ANO1: variants seen among roughly 807,000 people sequenced by gnomAD.
The protein encoded by ANO1 is anoctamin-1.
ANO1 carries 59 observed loss-of-function variants against 124.0 expected under a neutral mutation model. That is an observed-to-expected ratio of 0.48 (90% CI 0.39 to 0.59). The LOEUF (loss-of-function observed/expected upper bound fraction) is 0.59. Among genes scored for constraint, ANO1 ranks in the 20% least tolerant of loss-of-function variants. The pLI, the probability that ANO1 is intolerant of heterozygous loss-of-function variation, is 0.00. For synonymous variants in ANO1, 529 were observed against 532.0 expected, an observed-to-expected ratio of 0.99 and a Z score of 0.08; for missense variants, 1,059 against 1,328.0, an observed-to-expected ratio of 0.80 and a Z score of 3.15.
In ANO1 at chr11:70,161,509, T is replaced by C. The variant is rs1017753415; in HGVS notation, c.1781-113T>C. On this transcript the variant is annotated intron_variant, in intron 17 of 25. Transcript: ENST00000355303. ...TGGGTATCCTGAGCACAGGCCATGG[T>C]GCGCCTATGAGAGCCGACTGAGTGA... 6 of 1,386,306 alleles carry C rather than the reference T, an allele frequency of 4.3e-6. No individual in the cohort carries two copies. The Admixed American group carries it at 5.4e-5, about 12-fold the overall frequency. The allele number at this position is 1,386,306 out of a possible 1,614,324, so 85.9% of individuals were successfully genotyped here.
intron 1 of ANO1, among the ~76,000 whole-genome samples, chr11:70,069,241 C>T (rs1341141832): frequency 6.6e-6 from 1 of 152,182 alleles, no homozygotes; most frequent in African/African-American, 2.4e-5. Context: ...TTGAAGGAAC[C>T]AGGGAGTGTG....
Position 70,149,761 on chromosome 11 carries a change from G to A in ANO1, c.1310G>A (p.Arg437His), listed in dbSNP as rs1459928181. Residue 437 changes from arginine (R) to histidine (H), a missense_variant, in exon 12 of 26, where the codon CGC becomes CAC. Arg to His is a conservative substitution (Grantham distance 29). This residue lies in a region of ANO1 where 809 missense variants were observed against 1,094.9 expected (regional missense o/e 0.74). Transcript: ENST00000355303. Reference sequence around the variant, plus strand: ...CGGAAACAGATGCGACTCAACTACCGCTGGGACCTCACGGGCTTTGAAGAG... The same window carrying A: ...CGGAAACAGATGCGACTCAACTACCACTGGGACCTCACGGGCTTTGAAGAG... ...WKRKQMRLNYRWDLTGFEEEE... is the reference protein window; with the variant it reads ...WKRKQMRLNYHWDLTGFEEEE... 10 of 1,613,696 alleles carry A rather than the reference G, an allele frequency of 6.2e-6. No individual in the cohort carries two copies. The highest frequency in any genetic ancestry group is 1.1e-5 in the South Asian group (1 of 91,038).
chr11:70,116,069 C>T (rs371012386), intron 7 of ANO1, among the ~76,000 whole-genome samples: 12 of 152,300 alleles, frequency 7.9e-5, no homozygotes, highest in Non-Finnish European at 1.5e-4. Context: ...GAGCAAGACA[C>T]GGACTGTCCC....
At chr11:69,970,278 A>G in the ANO1 span, among the ~76,000 whole-genome samples, 1 of 152,136 alleles carries the variant, frequency 6.6e-6, no homozygotes, top group Non-Finnish European at 1.5e-5. Flanking sequence ...GGCTGCAGAG[A>G]GCCCAGGCAC....
intron 1 of ANO1, among the ~76,000 whole-genome samples, chr11:69,989,338 C>T (rs188226036): frequency 6.6e-5 from 10 of 152,290 alleles, no homozygotes; most frequent in African/African-American, 2.2e-4. Flanking sequence ...TATTGAGCAC[C>T]TACTCTGTGC....
intron 1 of ANO1, among the ~76,000 whole-genome samples, chr11:70,082,670 CCTTCGAATTTGGAAGTTATGCACAAAGT>C (rs1266736977): frequency 6.6e-6 from 1 of 152,202 alleles, no homozygotes; most frequent in East Asian, 1.9e-4. Context: ...CTTTCCCAGG[CCTTCGAATTTGGAAGTTATGCACAAAGT>C]CTCACCCACA....
intron 10 of ANO1, among the ~76,000 whole-genome samples, chr11:70,126,568 G>A (rs1374730562): frequency 6.6e-6 from 1 of 152,198 alleles, no homozygotes; most frequent in Non-Finnish European, 1.5e-5. Context: ...AATGCTAGGG[G>A]CTTCAGTGTA....
At chr11:69,975,483 A>T in the ANO1 span, among the ~76,000 whole-genome samples, 1 of 152,202 alleles carries the variant, frequency 6.6e-6, no homozygotes, top group Non-Finnish European at 1.5e-5. Context: ...ACAAAGGAGG[A>T]TTCTAAACTG....
In ANO1 at chr11:70,099,467, G is replaced by A. The variant is rs2045169919; in HGVS notation, c.442-3599G>A. Among the ~76,000 whole-genome samples, 4 of 152,292 alleles carry A rather than the reference G, an allele frequency of 2.6e-5. No individual in the cohort carries two copies. The East Asian group carries it at 5.8e-4, about 22-fold the overall frequency. ...ATGGACTCAGAGGAATATATTTTGG[G>A]TCTTTGCATGTGAGTGAGCAGAGCC... On this transcript the variant is annotated intron_variant, in intron 2 of 25. Coordinates refer to ENST00000355303, the MANE Select transcript of ANO1 (RefSeq NM_018043.7).
intron 1 of ANO1, among the ~76,000 whole-genome samples, chr11:70,026,600 G>C (rs955314100): frequency 2.6e-5 from 4 of 152,186 alleles, no homozygotes; most frequent in East Asian, 3.9e-4. Flanking sequence ...GGTGGTGGTA[G>C]TGGCGACTGA....
chr11:70,145,893 C>T (rs181650411), intron 11 of ANO1, among the ~76,000 whole-genome samples: 1 of 145,384 alleles, frequency 6.9e-6, no homozygotes, highest in Admixed American at 7.1e-5. Context: ...GCTGAGATCA[C>T]ACCACTGCAC....
intron 22 of ANO1, among the ~76,000 whole-genome samples, chr11:70,176,155 AC>A (rs1158392515): frequency 8.3e-6 from 1 of 120,952 alleles, no homozygotes; most frequent in African/African-American, 3.4e-5. Context: ...ATATATATAC[AC>A]TTTTTTTTTT....
rs1471922865 is a variant in ANO1 at position 70,096,510 on chromosome 11, T to C, written c.442-6556T>C. ...CCCAAACCCTGTTATGAACAGTGCA[T>C]GCGAGGGATCTAGATTGTGTGCTCC... On this transcript the variant is annotated intron_variant, in intron 2 of 25. Transcript: ENST00000355303. 5.3e-5 allele frequency among the ~76,000 whole-genome samples: 8 copies of C among 152,156 alleles called. No individual in the cohort carries two copies. In the East Asian group the frequency reaches 1.5e-3, roughly 29 times the overall value.
chr11:70,011,023 T>C (rs1370915978), intron 1 of ANO1, among the ~76,000 whole-genome samples: 2 of 152,208 alleles, frequency 1.3e-5, no homozygotes, highest in Non-Finnish European at 2.9e-5. Flanking sequence ...AGATAGAATA[T>C]ACAAGGGATG....
intron 8 of ANO1, among the ~76,000 whole-genome samples, chr11:70,117,603 C>A (rs532297989): frequency 1.3e-5 from 2 of 152,168 alleles, no homozygotes; most frequent in Admixed American, 1.3e-4. Flanking sequence ...CCCCAGGTCT[C>A]CACGTCAGCC....
intron 1 of ANO1, chr11:70,064,358 G>T (rs897233093): frequency 3.3e-5 from 5 of 152,290 alleles, no homozygotes; most frequent in Non-Finnish European, 2.9e-5. Flanking sequence ...CCAAAGGCCA[G>T]ACGCTTAGCT....
intron 8 of ANO1, among the ~76,000 whole-genome samples, chr11:70,123,791 C>A (rs952301155): frequency 2.6e-5 from 4 of 152,176 alleles, no homozygotes; most frequent in Non-Finnish European, 5.9e-5. Flanking sequence ...TTTTTACTAG[C>A]AGTCCTAACC....
At chr11:70,187,173 G>A (rs1182278390) in intron 25 of ANO1, among the ~76,000 whole-genome samples, 1 of 152,250 alleles carries the variant, frequency 6.6e-6, no homozygotes, top group Non-Finnish European at 1.5e-5. Context: ...CCAATCCAGG[G>A]GGCACCAGCA....
intron 1 of ANO1, among the ~76,000 whole-genome samples, chr11:70,054,103 C>T (rs1857396137): frequency 6.6e-6 from 1 of 152,224 alleles, no homozygotes; most frequent in Non-Finnish European, 1.5e-5. Flanking sequence ...GGCCCTCAGA[C>T]CCAGGCAAGA....
Sources: gnomAD v4.1 joint callset for allele counts (sites outside exome capture counted in the v4.1 genomes callset) on GRCh38, gnomAD v4.1.1 for gene constraint, gnomAD v4.1.1 regional missense constraint, MANE v1.5 for transcripts, NCBI Gene and HGNC (gene_info 2026-07-23, HGNC 2026-07-21) for gene names.